The following SCN7A variants were observed in gnomAD, a reference collection of about 807,000 sequenced individuals.
SCN7A encodes sodium channel protein type 7 subunit alpha.
A neutral mutation model predicts 155.2 loss-of-function variants in SCN7A; 138 were observed. That is an observed-to-expected ratio of 0.89 (90% confidence interval 0.77 to 1.02). The LOEUF (loss-of-function observed/expected upper bound fraction) is 1.02, where lower values mean the gene tolerates loss of function less well. SCN7A is among the 50% of genes least tolerant of loss of function. SCN7A has a pLI of 0.00. For synonymous variants in SCN7A, 693 were observed against 649.0 expected (o/e 1.07, Z -1.03); for missense variants, 2,058 against 1,986.6 (o/e 1.04, Z -0.68).
intron 15 of SCN7A, chr2:166,436,467 T>A (rs1701841732): frequency 2.6e-6 from 1 of 387,430 alleles, no homozygotes; most frequent in African/African-American, 2.1e-5. Flanking sequence ...CAGTTAAACC[T>A]CTTTCTTTTG....
intron 15 of SCN7A, among the ~76,000 whole-genome samples, chr2:166,440,137 T>C (rs1412565076): frequency 6.6e-6 from 1 of 152,196 alleles, no homozygotes. Flanking sequence ...ATGCATAACA[T>C]TTTTATAGAC....
At chr2:166,415,555 G>T (rs371472362) in intron 21 of SCN7A, among the ~76,000 whole-genome samples, 2 of 152,026 alleles carry the variant, frequency 1.3e-5, no homozygotes, top group Non-Finnish European at 2.9e-5. Context: ...GTTGTATGTT[G>T]CGGGAAGTCA....
rs751324612 is a variant in SCN7A at position 166,447,727 on chromosome 2, G to T, written c.1291-19C>A. 1 of 1,553,032 alleles carries T rather than the reference G, an allele frequency of 6.4e-7. No individual in the cohort carries two copies. Among genetic ancestry groups the T allele is most frequent in the Non-Finnish European group, 8.9e-7 (1 of 1,125,314 alleles). ...TCTTGGCCTGAAAAGGAATTTGATG[G>T]TTTAATACTGGCTTCCTGTCTTTGC... is the stretch of plus-strand genomic sequence containing the variant. On this transcript the variant is annotated intron_variant, in intron 11 of 25. Transcript: ENST00000643258.
intron 11 of SCN7A, among the ~76,000 whole-genome samples, chr2:166,456,132 TCACTCATA>T (rs1702268675): frequency 6.6e-6 from 1 of 152,106 alleles, no homozygotes; most frequent in South Asian, 2.1e-4. Flanking sequence ...CCGCATGTTC[TCACTCATA>T]AGTGGAAGTT....
rs566786010 is a variant in SCN7A, at chr2:166,419,576, G to A, written c.3135+1614C>T. 2.6e-5 allele frequency among the ~76,000 whole-genome samples: 4 copies of A among 151,732 alleles called. No homozygotes were observed. The East Asian group carries it at 5.8e-4, about 22-fold the overall frequency. The stretch of plus-strand genomic sequence containing the variant: ...GAGACAGGGTCTTACTGTGTTACCC[G>A]GGCTCGTCTCAAACTCCTGAGCTCA... On this transcript the variant is annotated intron_variant, in intron 20 of 25. Transcript: ENST00000643258.
At chr2:166,442,126 T>C (rs974723205) in intron 14 of SCN7A, among the ~76,000 whole-genome samples, 1 of 152,178 alleles carries the variant, frequency 6.6e-6, no homozygotes, top group African/African-American at 2.4e-5. Flanking sequence ...GAAAATGATA[T>C]TGAAAGTCTT....
chr2:166,422,646 G>A (rs755662642), intron 19 of SCN7A, among the ~76,000 whole-genome samples: 50 of 152,178 alleles, frequency 3.3e-4, no homozygotes, highest in Non-Finnish European at 6.3e-4. Context: ...AAGCATAGCA[G>A]GGAATATGTT....
intron 21 of SCN7A, 146 bp downstream of exon 21, chr2:166,416,561 T>C (rs796246024): frequency 2.9e-6 from 2 of 688,306 alleles, no homozygotes; most frequent in South Asian, 2.1e-5. Context: ...GTTCCCCCGA[T>C]AGTTGTATGT....
chr2:166,412,986 T>C lies in SCN7A; in HGVS notation c.3468+82A>G, dbSNP rs567909630. 1.7e-4 allele frequency: 170 copies of C among 979,354 alleles called. 1 individual carries two copies. The East Asian group carries it at 4.5e-3, about 26-fold the overall frequency. The allele number at this position is 979,354 out of a possible 1,614,324, so 60.7% of individuals were successfully genotyped here. A position where few individuals can be genotyped will look rare whatever the true frequency, so the allele number is the denominator to read the frequency against. ...TGAACTGCATTTGATTTCTATTCAT[T>C]ATTACTGGTGTCCTGTGCTCGAATT... On this transcript the variant is annotated intron_variant, in intron 22 of 25. Transcript: ENST00000643258.
Position 166,473,861 on chromosome 2 carries a change from A to G in SCN7A, c.381T>C (p.Ser127=), listed in dbSNP as rs1357270311. 1 of 1,567,770 alleles carries G rather than the reference A, an allele frequency of 6.4e-7. No homozygotes were observed. The highest frequency in any genetic ancestry group is 1.7e-5 in the Admixed American group (1 of 57,208). ...HPFFQLFILI[S]VLIDCVFMSL... Reference sequence around the variant, plus strand: ...ACATGAATACGCAATCAATCAGGACACTAATTAGAATAAACAGTTGGAAAA... The same window carrying G: ...ACATGAATACGCAATCAATCAGGACGCTAATTAGAATAAACAGTTGGAAAA... The change falls in exon 5 of 26, where the codon AGT becomes AGC. Residue 127 remains serine, a synonymous_variant. Coordinates refer to ENST00000643258, the MANE Select transcript of SCN7A (RefSeq NM_002976.4).
At chr2:166,433,793 C>T (rs1292847315) in intron 15 of SCN7A, among the ~76,000 whole-genome samples, 2 of 152,080 alleles carry the variant, frequency 1.3e-5, no homozygotes, top group Admixed American at 1.3e-4. Context: ...GGGATGAAAA[C>T]ACAGATGCTA....
At chr2:166,491,964 G>T (rs1163830493) in intron 1 of SCN7A, among the ~76,000 whole-genome samples, 2 of 152,060 alleles carry the variant, frequency 1.3e-5, no homozygotes, top group Admixed American at 6.6e-5. Context: ...AACCCAATGA[G>T]ATCTAGGGCT....
At chr2:166,411,142 A>T (rs1701194308) in intron 23 of SCN7A, among the ~76,000 whole-genome samples, 1 of 152,050 alleles carries the variant, frequency 6.6e-6, no homozygotes, top group Non-Finnish European at 1.5e-5. Flanking sequence ...GTCCCCCCTT[A>T]TCTGAAGTCT....
At chr2:166,436,512 AT>A in intron 15 of SCN7A, 1 of 310,250 alleles carries the variant, frequency 3.2e-6, no homozygotes, top group Non-Finnish European at 6.7e-6. Context: ...CCTTATTAGC[AT>A]CATGACAATG....
At position 166,462,498 on chromosome 2, in the gene SCN7A, G is replaced by A. The variant is rs1416050383; in HGVS notation, c.974C>T (p.Ala325Val). Residue 325 changes from alanine to valine, a missense_variant, in exon 10 of 26, where the codon GCT (alanine) becomes GTT (valine). By Grantham distance (64) the Ala-to-Val change is moderately conservative. Coordinates refer to ENST00000643258, the MANE Select transcript of SCN7A (RefSeq NM_002976.4). ...GAAGCCTTGATCAGGATTTATGCCA[G>A]CTTTTACACACACATATCCTTCAGG... ...QCPEGYVCVK[A>V]GINPDQGFTN... 1 of 1,613,800 alleles carries A rather than the reference G, an allele frequency of 6.2e-7. No individual in the cohort carries two copies. Among genetic ancestry groups the A allele is most frequent in the African/African-American group, 1.3e-5 (1 of 75,040 alleles).
chr2:166,448,308 A>C (rs1161838590), intron 11 of SCN7A, among the ~76,000 whole-genome samples: 1 of 152,192 alleles, frequency 6.6e-6, no homozygotes, highest in Non-Finnish European at 1.5e-5. Flanking sequence ...TAATGGCTGA[A>C]TAATACTCCA....
intron 15 of SCN7A, among the ~76,000 whole-genome samples, chr2:166,435,810 T>C (rs2105421070): frequency 6.6e-6 from 1 of 152,304 alleles, no homozygotes; most frequent in African/African-American, 2.4e-5. Context: ...TTCATGTTTC[T>C]ATCCCTCAGT....
At chr2:166,452,523 C>T (rs1266240367) in intron 11 of SCN7A, among the ~76,000 whole-genome samples, 1 of 152,032 alleles carries the variant, frequency 6.6e-6, no homozygotes, top group Non-Finnish European at 1.5e-5. Flanking sequence ...TCTTTATATC[C>T]AGTGCTTTGT....
At chr2:166,476,209 T>G (rs1435114634) in intron 3 of SCN7A, among the ~76,000 whole-genome samples, 1 of 151,956 alleles carries the variant, frequency 6.6e-6, no homozygotes, top group Non-Finnish European at 1.5e-5. Context: ...TAAGTTAATA[T>G]ATACATTTCT....
Sources: gnomAD v4.1 joint callset for allele counts (sites outside exome capture counted in the v4.1 genomes callset) on GRCh38, gnomAD v4.1.1 for gene constraint, MANE v1.5 for transcripts, NCBI Gene and HGNC (gene_info 2026-07-23, HGNC 2026-07-21) for gene names.